TMEM108: variants seen among roughly 807,000 people sequenced by gnomAD.
TMEM108 encodes transmembrane protein 108, also known as cancer/testis antigen 124.
Under a neutral mutation model 35.1 loss-of-function variants are expected in TMEM108, and 12 were observed. The observed-to-expected ratio is 0.34, with a 90% CI of 0.22 to 0.55. The LOEUF is 0.55. Ranked by LOEUF, TMEM108 falls within the 20% of genes least tolerant of loss-of-function variation. The probability of loss-of-function intolerance (pLI) is 0.89; values close to 1 mark genes in which losing one functional copy is unlikely to be tolerated. For synonymous variants in TMEM108, 287 were observed against 308.6 expected (o/e 0.93, Z 0.73); for missense variants, 680 against 753.3 (o/e 0.90, Z 1.14).
At chr3:133,291,709 G>A (rs1947071844) in intron 3 of TMEM108, among the ~76,000 whole-genome samples, 1 of 152,038 alleles carries the variant, frequency 6.6e-6, no homozygotes, top group East Asian at 1.9e-4. Flanking sequence ...CTATGTCCCT[G>A]AACTTGTCCT....
intron 2 of TMEM108, among the ~76,000 whole-genome samples, chr3:133,226,776 G>A (rs777450741): frequency 8.5e-5 from 13 of 152,116 alleles, no homozygotes; most frequent in Non-Finnish European, 1.5e-4. Context: ...AAAAATACTG[G>A]AAGTGTATTA....
chr3:133,311,819 T>G (rs1398296131), intron 3 of TMEM108, among the ~76,000 whole-genome samples: 1 of 152,266 alleles, frequency 6.6e-6, no homozygotes, highest in Non-Finnish European at 1.5e-5. Flanking sequence ...TCAGCTTTTC[T>G]GCCCTGGTTT....
chr3:133,136,154 A>G (rs1159944683), intron 2 of TMEM108, among the ~76,000 whole-genome samples: 1 of 152,232 alleles, frequency 6.6e-6, no homozygotes, highest in Non-Finnish European at 1.5e-5. Context: ...ATTTTAAGTC[A>G]GAAACTTGAA....
intron 2 of TMEM108, among the ~76,000 whole-genome samples, chr3:133,208,234 C>T (rs1443807852): frequency 6.6e-6 from 1 of 152,156 alleles, no homozygotes; most frequent in Non-Finnish European, 1.5e-5. Flanking sequence ...TCATTTCTAA[C>T]AAGCTCCTGG....
At chr3:133,151,654 A>G (rs1023378071) in intron 2 of TMEM108, among the ~76,000 whole-genome samples, 1 of 152,190 alleles carries the variant, frequency 6.6e-6, no homozygotes, top group African/African-American at 2.4e-5. Flanking sequence ...AGCCTATTGT[A>G]ACAAACCAGG....
chr3:133,388,118 A>G, intron 4 of TMEM108: 5 of 985,382 alleles, frequency 5.1e-6, no homozygotes, highest in Non-Finnish European at 6.0e-6. Context: ...CTCTAACTCT[A>G]CCAAAACTGA....
At chr3:133,136,394 C>T (rs1341499842) in intron 2 of TMEM108, among the ~76,000 whole-genome samples, 2 of 152,178 alleles carry the variant, frequency 1.3e-5, no homozygotes, top group Non-Finnish European at 2.9e-5. Flanking sequence ...AAAGTATTTG[C>T]AGGGCTTATG....
chr3:133,373,305 C>T (rs911982772), intron 3 of TMEM108, among the ~76,000 whole-genome samples: 4 of 145,804 alleles, frequency 2.7e-5, no homozygotes, highest in African/African-American at 7.9e-5. Context: ...GCTGTGATCA[C>T]GCCACTGCAC....
intron 2 of TMEM108, among the ~76,000 whole-genome samples, chr3:133,175,168 G>C (rs1486879011): frequency 2.0e-5 from 3 of 152,138 alleles, no homozygotes; most frequent in Admixed American, 6.5e-5. Context: ...AAGAAATATG[G>C]GACTATGTGA....
rs142278122 is a variant in TMEM108, at chr3:133,249,895, A to G, written c.40+20544A>G. 2.2e-3 allele frequency among the ~76,000 whole-genome samples: 342 copies of G among 152,322 alleles called. 2 individuals carry two copies. Among genetic ancestry groups the G allele is most frequent in the African/African-American group, 7.7e-3 (321 of 41,578 alleles). ...AAGTGACTATCATGCATATAATAGA[A>G]ACATTTTTAATAAGAAAAGGAAATT... On this transcript the variant is annotated intron_variant, in intron 3 of 5. Coordinates refer to ENST00000321871, the MANE Select transcript of TMEM108 (RefSeq NM_023943.4).
At chr3:133,171,791 G>C (rs1044321128) in intron 2 of TMEM108, among the ~76,000 whole-genome samples, 2 of 152,166 alleles carry the variant, frequency 1.3e-5, no homozygotes, top group African/African-American at 4.8e-5. Flanking sequence ...ACTCCATTAA[G>C]TTACACATTT....
At chr3:133,197,127 TATAAC>T (rs1299109146) in intron 2 of TMEM108, among the ~76,000 whole-genome samples, 5 of 152,210 alleles carry the variant, frequency 3.3e-5, no homozygotes, top group African/African-American at 7.2e-5. Flanking sequence ...AACAAAATGA[TATAAC>T]ATAGACTACT....
At chr3:133,335,366 G>A (rs968654258) in intron 3 of TMEM108, among the ~76,000 whole-genome samples, 2 of 152,100 alleles carry the variant, frequency 1.3e-5, no homozygotes, top group Non-Finnish European at 2.9e-5. Flanking sequence ...TCAGAACAAG[G>A]TAGTAGTGGC....
chr3:133,181,693 T>G (rs1289907354), intron 2 of TMEM108, among the ~76,000 whole-genome samples: 1 of 152,028 alleles, frequency 6.6e-6, no homozygotes, highest in Non-Finnish European at 1.5e-5. Flanking sequence ...AAATTAAAAT[T>G]TTAGCAGACG....
intron 2 of TMEM108, among the ~76,000 whole-genome samples, chr3:133,220,098 C>T (rs1197374605): frequency 9.3e-5 from 10 of 107,844 alleles, no homozygotes; most frequent in East Asian, 3.0e-4. Flanking sequence ...TTTTTTTTTA[C>T]GGTTTTTGAC....
At chr3:133,192,302 CATTG>C (rs1181419447) in intron 2 of TMEM108, among the ~76,000 whole-genome samples, 5 of 152,162 alleles carry the variant, frequency 3.3e-5, no homozygotes, top group African/African-American at 1.2e-4. Context: ...ATTTTGGACA[CATTG>C]AGTAGGAGAT....
At chr3:133,251,806 A>C (rs532456857) in intron 3 of TMEM108, among the ~76,000 whole-genome samples, 1 of 152,186 alleles carries the variant, frequency 6.6e-6, no homozygotes, top group African/African-American at 2.4e-5. Context: ...TGGGAAGGAA[A>C]TGTGAATCTT....
chr3:133,266,759 G>A (rs955960734), intron 3 of TMEM108, among the ~76,000 whole-genome samples: 1 of 152,134 alleles, frequency 6.6e-6, no homozygotes, highest in Non-Finnish European at 1.5e-5. Flanking sequence ...GGTCAGGCGA[G>A]TAGTGACAGT....
intron 3 of TMEM108, among the ~76,000 whole-genome samples, chr3:133,237,141 T>C (rs188720639): frequency 3.3e-5 from 5 of 150,382 alleles, no homozygotes; most frequent in Non-Finnish European, 7.5e-5. Flanking sequence ...ATATTTCCCT[T>C]GCTGGCTCAT....
Sources: gnomAD v4.1 joint callset for allele counts (sites outside exome capture counted in the v4.1 genomes callset) on GRCh38, gnomAD v4.1.1 for gene constraint, MANE v1.5 for transcripts, NCBI Gene and HGNC (gene_info 2026-07-23, HGNC 2026-07-21) for gene names.